NEK6: variants seen among roughly 807,000 people sequenced by gnomAD.
The protein encoded by NEK6 is NIMA related kinase 6.
NEK6 carries 27 observed loss-of-function variants against 43.5 expected under a neutral mutation model. The ratio of observed to expected loss-of-function variants is 0.62; its 90% CI spans 0.46 to 0.86. The LOEUF (loss-of-function observed/expected upper bound fraction) is 0.86, where lower values mean the gene tolerates loss of function less well. NEK6 is among the 40% of genes least tolerant of loss of function. The probability of loss-of-function intolerance (pLI) is 0.00; values close to 1 mark genes in which losing one functional copy is unlikely to be tolerated. For synonymous variants in NEK6, 167 were observed against 164.1 expected (o/e 1.02, Z -0.14); for missense variants, 318 against 414.4 (o/e 0.77, Z 2.02).
At chr9:124,350,749 G>A in intron 9 of NEK6, 88 bp from the exon 10 acceptor site, 1 of 891,784 alleles carries the variant, frequency 1.1e-6, no homozygotes, top group Non-Finnish European at 1.8e-6. Context: ...CTCTGAGGAT[G>A]AAGTGCCTTC....
At chr9:124,322,689 T>G (rs914596792) in intron 5 of NEK6, among the ~76,000 whole-genome samples, 2 of 152,244 alleles carry the variant, frequency 1.3e-5, no homozygotes, top group Non-Finnish European at 2.9e-5. Context: ...CTACCCTGGA[T>G]GCAGCCTGCC....
chr9:124,290,567 C>T (rs542310743), intron 1 of NEK6, among the ~76,000 whole-genome samples: 2 of 152,348 alleles, frequency 1.3e-5, no homozygotes, highest in South Asian at 4.1e-4. Flanking sequence ...GGGTGGTTTG[C>T]CCAGGGCAGA....
chr9:124,291,710 C>A, intron 1 of NEK6: 2 of 450,362 alleles, frequency 4.4e-6, no homozygotes, highest in Non-Finnish European at 5.9e-6. Flanking sequence ...AGGTGGGGAG[C>A]GAGCACAAGG....
intron 1 of NEK6, among the ~76,000 whole-genome samples, chr9:124,285,785 G>T (rs55696826): frequency 0.15 from 22,374 of 152,006 alleles, 1,710 homozygotes; most frequent in Non-Finnish European, 0.17. Context: ...CCACACAACC[G>T]GGGTTCAGAT....
intron 1 of NEK6, among the ~76,000 whole-genome samples, chr9:124,294,548 A>G (rs1474192108): frequency 6.6e-6 from 1 of 151,056 alleles, no homozygotes; most frequent in Admixed American, 6.6e-5. Context: ...GTCCTGGCAG[A>G]CAAGTGGGAC....
chr9:124,300,779 GA>G (rs1832928196), intron 1 of NEK6, among the ~76,000 whole-genome samples: 1 of 149,540 alleles, frequency 6.7e-6, no homozygotes, highest in African/African-American at 2.5e-5. Context: ...CTCAGCTGTT[GA>G]ATAAGGGCCA....
intron 3 of NEK6, among the ~76,000 whole-genome samples, chr9:124,312,970 G>A (rs1395854120): frequency 6.6e-6 from 1 of 152,126 alleles, no homozygotes; most frequent in Non-Finnish European, 1.5e-5. Context: ...TAACCGCCAG[G>A]GCCCCAGCAT....
intron 5 of NEK6, among the ~76,000 whole-genome samples, chr9:124,321,913 C>T (rs1002210770): frequency 6.6e-6 from 1 of 152,228 alleles, no homozygotes; most frequent in South Asian, 2.1e-4. Flanking sequence ...CTCCTCTGGC[C>T]ACCCCCAGTG....
intron 5 of NEK6, 29 bp downstream of exon 5, chr9:124,321,598 G>A (rs920395773): frequency 7.2e-7 from 1 of 1,389,900 alleles, no homozygotes; most frequent in South Asian, 1.2e-5. Context: ...GGGGGTGCTG[G>A]GGGCTGCGCA....
intron 1 of NEK6, among the ~76,000 whole-genome samples, chr9:124,262,256 A>G (rs1314006810): frequency 2.0e-5 from 3 of 152,248 alleles, no homozygotes; most frequent in Non-Finnish European, 4.4e-5. Flanking sequence ...ACTTTCACTC[A>G]TTCCTGTCTG....
rs61223297 is a variant in NEK6, at chr9:124,326,202, T to TCCCCCCCCCCCCCCCCCCCC, written c.406-117_406-116insCCCCCCCCCCCCCCCCCCCC. 120 of 125,216 alleles carry TCCCCCCCCCCCCCCCCCCCC rather than the reference T, an allele frequency of 9.6e-4. 22 individuals carry two copies. Among genetic ancestry groups the TCCCCCCCCCCCCCCCCCCCC allele is most frequent in the South Asian group, 2.1e-3 (33 of 15,398 alleles). The allele number at this position is 125,216 out of a possible 1,614,324, so 7.8% of individuals were successfully genotyped here. On this transcript the variant is annotated intron_variant, in intron 5 of 9. Transcript: ENST00000320246. This position sits in a 1 kb window ranked among gnomAD's most constrained non-coding sequence, Gnocchi z 4.5. Reference sequence around the variant, plus strand: ...GCTTATTGTTTGCTCAGTGGCTCAATCCCCCCCCCCCGCCCCTGCCAGGCA... The same window carrying TCCCCCCCCCCCCCCCCCCCC: ...GCTTATTGTTTGCTCAGTGGCTCAATCCCCCCCCCCCCCCCCCCCCCCCCCCCCCCCGCCCCTGCCAGGCA...
chr9:124,265,176 C>G (rs1005178720), intron 1 of NEK6, among the ~76,000 whole-genome samples: 15 of 152,158 alleles, frequency 9.9e-5, no homozygotes, highest in African/African-American at 3.6e-4. Flanking sequence ...TGTAATACAT[C>G]CCATCCAGCG....
At chr9:124,322,732 C>T (rs1834134983) in intron 5 of NEK6, among the ~76,000 whole-genome samples, 1 of 152,254 alleles carries the variant, frequency 6.6e-6, no homozygotes, top group African/African-American at 2.4e-5. Flanking sequence ...CCGCTGGAGC[C>T]CCCACCCTGC....
Position 124,326,221 on chromosome 9 carries a change from C to A in NEK6, c.406-109C>A. 4.6e-6 allele frequency: 1 copy of A among 217,056 alleles called. No individual in the cohort carries two copies. Among genetic ancestry groups the A allele is most frequent in the Non-Finnish European group, 1.1e-5 (1 of 87,686 alleles). The allele number at this position is 217,056 out of a possible 1,614,324, so 13.4% of individuals were successfully genotyped here. Reference sequence around the variant, plus strand: ...GCTCAATCCCCCCCCCCCGCCCCTGCCAGGCACCAGTTACCCACTGGGGAA... The same window carrying A: ...GCTCAATCCCCCCCCCCCGCCCCTGACAGGCACCAGTTACCCACTGGGGAA... On this transcript the variant is annotated intron_variant, in intron 5 of 9. Coordinates refer to ENST00000320246, the MANE Select transcript of NEK6 (RefSeq NM_014397.6). The surrounding 1 kb of genome is among the most constrained non-coding windows in gnomAD (Gnocchi z 4.5).
At chr9:124,341,667 C>T (rs1476498270) in intron 8 of NEK6, among the ~76,000 whole-genome samples, 1 of 152,084 alleles carries the variant, frequency 6.6e-6, no homozygotes, top group Non-Finnish European at 1.5e-5. Context: ...TTTGTCCTCC[C>T]TGCCTCCCTG....
Position 124,326,354 on chromosome 9 carries a change from A to G in NEK6, c.430A>G (p.Ile144Val), listed in dbSNP as rs1454102379. The part of the protein sequence containing the change: ...IKYFKKQKRL[I>V]PERTVWKYFV... ...GTACTTTAAGAAGCAGAAGCGGCTC[A>G]TCCCGGAGAGGACAGTATGGAAGTA... The change falls in exon 6 of 10, where the codon ATC (isoleucine) becomes GTC (valine). Residue 144 changes from isoleucine to valine, a missense_variant. Transcript: ENST00000320246. The surrounding 1 kb of genome is among the most constrained non-coding windows in gnomAD (Gnocchi z 4.5). 3 of 1,611,370 alleles carry G rather than the reference A, an allele frequency of 1.9e-6. No homozygotes were observed. Among genetic ancestry groups the G allele is most frequent in the Middle Eastern group, 1.6e-4 (1 of 6,084 alleles).
At chr9:124,307,092 A>G (rs75488507) in intron 2 of NEK6, among the ~76,000 whole-genome samples, 1 of 151,626 alleles carries the variant, frequency 6.6e-6, no homozygotes, top group East Asian at 1.9e-4. Flanking sequence ...GGGCGAATGC[A>G]TTTTTATTCT....
chr9:124,292,380 T>C (rs1179499387), intron 1 of NEK6: 7 of 1,518,514 alleles, frequency 4.6e-6, no homozygotes, highest in Non-Finnish European at 6.2e-6. Flanking sequence ...CTTCTGAGTT[T>C]CCAGGGAAGC....
chr9:124,316,986 C>G (rs926614755), intron 4 of NEK6, among the ~76,000 whole-genome samples: 3 of 152,164 alleles, frequency 2.0e-5, no homozygotes, highest in African/African-American at 7.2e-5. Flanking sequence ...GTGAGATTTC[C>G]TGGTGACATA....
Sources: gnomAD v4.1 joint callset for allele counts (sites outside exome capture counted in the v4.1 genomes callset) on GRCh38, gnomAD v4.1.1 for gene constraint, Gnocchi (gnomAD v3.1) non-coding constraint, MANE v1.5 for transcripts, NCBI Gene and HGNC (gene_info 2026-07-23, HGNC 2026-07-21) for gene names.